The following SLC30A6 variants were observed in gnomAD, a reference collection of about 807,000 sequenced individuals.
The protein encoded by SLC30A6 is solute carrier family 30 member 6.
A neutral mutation model predicts 63.0 loss-of-function variants in SLC30A6; 55 were observed. The ratio of observed to expected loss-of-function variants is 0.87; its 90% CI spans 0.70 to 1.09. The LOEUF is 1.09. SLC30A6 is among the 50% of genes least tolerant of loss of function. SLC30A6 has a pLI of 0.00. For missense variants in SLC30A6, 587 were observed against 549.2 expected (o/e 1.07, Z -0.69); for synonymous variants, 224 against 186.1 (o/e 1.20, Z -1.66).
At chr2:32,212,203 A>C (rs536334970) in intron 13 of SLC30A6, among the ~76,000 whole-genome samples, 3 of 151,940 alleles carry the variant, frequency 2.0e-5, no homozygotes, top group Admixed American at 2.0e-4. Context: ...TCATTTCTAA[A>C]GTGATCTTTT....
At chr2:32,188,750 T>C (rs1162230394) in intron 5 of SLC30A6, among the ~76,000 whole-genome samples, 1 of 152,168 alleles carries the variant, frequency 6.6e-6, no homozygotes, top group Non-Finnish European at 1.5e-5. Context: ...CTTTGTGCAA[T>C]TTGATGAATT....
At chr2:32,211,087 G>T (rs867662257) in intron 13 of SLC30A6, among the ~76,000 whole-genome samples, 1 of 152,188 alleles carries the variant, frequency 6.6e-6, no homozygotes, top group Non-Finnish European at 1.5e-5. Flanking sequence ...CTGTATGTGT[G>T]TAATGAGACT....
At chr2:32,215,039 T>G (rs1248327394) in intron 13 of SLC30A6, among the ~76,000 whole-genome samples, 1 of 152,248 alleles carries the variant, frequency 6.6e-6, no homozygotes, top group East Asian at 1.9e-4. Flanking sequence ...TTTTTCTGTA[T>G]TTTGTATTTC....
At chr2:32,180,149 C>A (rs907939817) in intron 4 of SLC30A6, among the ~76,000 whole-genome samples, 8 of 151,966 alleles carry the variant, frequency 5.3e-5, no homozygotes, top group Non-Finnish European at 8.8e-5. Flanking sequence ...TGCCTGTAAT[C>A]CCAGCACTTT....
intron 13 of SLC30A6, among the ~76,000 whole-genome samples, chr2:32,218,203 T>C (rs1282417118): frequency 1.3e-5 from 2 of 152,132 alleles, no homozygotes; most frequent in African/African-American, 4.8e-5. Context: ...GGAGGATCGC[T>C]TGAACCTAGG....
At position 32,197,428 on chromosome 2, in the gene SLC30A6, T is replaced by G. The variant is rs376448508; in HGVS notation, c.545+36T>G. The G allele has an allele frequency of 1.1e-3, 1,665 of 1,571,616 alleles. 28 individuals are homozygous for G. In the South Asian group the frequency reaches 0.017, roughly 16 times the overall value. Reference sequence around the variant, plus strand: ...ATGGAGTTTCATGATATGCATAATTTAAAGGAATACACAAGAAATGCATCT... The same window carrying G: ...ATGGAGTTTCATGATATGCATAATTGAAAGGAATACACAAGAAATGCATCT... On this transcript the variant is annotated intron_variant, in intron 9 of 13. Transcript: ENST00000282587.
chr2:32,210,303 A>G (rs571556122), intron 13 of SLC30A6, among the ~76,000 whole-genome samples: 2 of 152,168 alleles, frequency 1.3e-5, no homozygotes, highest in African/African-American at 2.4e-5. Flanking sequence ...CCTGAGGTTG[A>G]GAGTTTGAGA....
chr2:32,181,425 T>G (rs1682297456), intron 4 of SLC30A6, among the ~76,000 whole-genome samples: 1 of 152,194 alleles, frequency 6.6e-6, no homozygotes, highest in Non-Finnish European at 1.5e-5. Context: ...AATTGATGAA[T>G]TATAGAAAAA....
At chr2:32,182,192 C>T (rs1387825766) in intron 4 of SLC30A6, among the ~76,000 whole-genome samples, 2 of 152,072 alleles carry the variant, frequency 1.3e-5, no homozygotes, top group Non-Finnish European at 2.9e-5. Flanking sequence ...CTGCCCTGAC[C>T]TCCCAAAGTG....
intron 11 of SLC30A6, among the ~76,000 whole-genome samples, chr2:32,206,660 T>TA (rs767073140): frequency 3.3e-5 from 5 of 152,224 alleles, no homozygotes; most frequent in Non-Finnish European, 7.3e-5. Context: ...GTTTAAGTGT[T>TA]ATTTATCTTT....
At chr2:32,201,291 A>T (rs1012635913) in intron 10 of SLC30A6, among the ~76,000 whole-genome samples, 7 of 152,190 alleles carry the variant, frequency 4.6e-5, no homozygotes, top group Non-Finnish European at 1.0e-4. Context: ...TTTGGTCTGT[A>T]TTGTTGGTAG....
intron 10 of SLC30A6, chr2:32,203,226 C>T: frequency 2.9e-6 from 3 of 1,050,186 alleles, no homozygotes; most frequent in Non-Finnish European, 4.5e-6. Flanking sequence ...ATCCATCGTT[C>T]TGGACGCACA....
intron 1 of SLC30A6, 57 bp from the exon 2 acceptor site, chr2:32,171,230 G>C: frequency 7.1e-7 from 1 of 1,412,766 alleles, no homozygotes; most frequent in South Asian, 1.2e-5. Flanking sequence ...TCATATCATA[G>C]GAACTCTGAA....
intron 5 of SLC30A6, among the ~76,000 whole-genome samples, chr2:32,191,716 T>C (rs761228618): frequency 2.0e-5 from 3 of 152,236 alleles, no homozygotes; most frequent in Admixed American, 6.5e-5. Flanking sequence ...TGTCCTAAAC[T>C]TCTTATCTGT....
rs1683923564 is a variant in SLC30A6 at position 32,197,741 on chromosome 2, T to A, written c.580T>A (p.Phe194Ile). Residue 194 changes from phenylalanine (F) to isoleucine (I), a missense_variant, in exon 10 of 14, where the codon TTC becomes ATC. Transcript: ENST00000282587. ...CGIIPGLSSI[F>I]LPRMNPFVLI... ...AATTATTCCGGGACTTAGCAGTATC[T>A]TCCTTCCCCGAATGAATCCATTTGT... 1 of 1,614,038 alleles carries A rather than the reference T, an allele frequency of 6.2e-7. No homozygotes were observed. The highest frequency in any genetic ancestry group is 1.3e-5 in the African/African-American group (1 of 74,944).
chr2:32,185,876 C>T (rs374854810), intron 5 of SLC30A6, among the ~76,000 whole-genome samples: 2 of 150,948 alleles, frequency 1.3e-5, no homozygotes, highest in South Asian at 4.2e-4. Context: ...TGTGCCACCA[C>T]GCCTGGCTCA....
intron 13 of SLC30A6, among the ~76,000 whole-genome samples, chr2:32,217,533 T>C (rs573770311): frequency 6.6e-6 from 1 of 152,228 alleles, no homozygotes; most frequent in Non-Finnish European, 1.5e-5. Flanking sequence ...TTAGAATTTC[T>C]TTGGCTATTT....
intron 10 of SLC30A6, chr2:32,202,014 G>T: frequency 1.7e-6 from 2 of 1,153,350 alleles, no homozygotes; most frequent in South Asian, 1.4e-5. Context: ...ATGAGATATT[G>T]ATGAATATGA....
chr2:32,174,424 C>A (rs1351607092), intron 3 of SLC30A6, among the ~76,000 whole-genome samples: 2 of 151,976 alleles, frequency 1.3e-5, no homozygotes, highest in Admixed American at 6.6e-5. Flanking sequence ...AAATCCTGAG[C>A]TCAAACGATC....
Sources: gnomAD v4.1 joint callset for allele counts (sites outside exome capture counted in the v4.1 genomes callset) on GRCh38, gnomAD v4.1.1 for gene constraint, MANE v1.5 for transcripts, NCBI Gene and HGNC (gene_info 2026-07-23, HGNC 2026-07-21) for gene names.